The following BRIP1 variants were observed in gnomAD, a reference collection of about 807,000 sequenced individuals.
BRIP1 encodes Fanconi anemia group J protein.
BRIP1 carries 88 observed loss-of-function variants against 119.7 expected under a neutral mutation model. The observed-to-expected ratio is 0.74, with a 90% CI of 0.62 to 0.88. BRIP1 has a LOEUF of 0.88. Among genes scored for constraint, BRIP1 ranks in the 40% least tolerant of loss-of-function variants. The pLI is 0.00. For synonymous variants in BRIP1, 443 were observed against 496.5 expected (o/e 0.89, Z 1.43); for missense variants, 1,259 against 1,455.4 (o/e 0.87, Z 2.20).
rs937133242 is a variant in BRIP1, at chr17:61,846,244, AAAAGAGAGAGAGAGAGAAAG to A, written c.627+837_627+856del. 1.6e-5 allele frequency among the ~76,000 whole-genome samples: 2 copies of A among 123,976 alleles called. No individual in the cohort carries two copies. Among genetic ancestry groups the A allele is most frequent in the African/African-American group, 1.2e-4 (2 of 16,048 alleles). The allele number at this position is 123,976 out of a possible 152,430, so 81.3% of individuals were successfully genotyped here. A position where few individuals can be genotyped will look rare whatever the true frequency, so the allele number is the denominator to read the frequency against. On this transcript the variant is annotated intron_variant, in intron 6 of 19. Transcript: ENST00000259008. The surrounding 1 kb of genome is among the most constrained non-coding windows in gnomAD (Gnocchi z 4.3). ...ATACATATAGAGAGAGAGAGAGAGA[AAAAGAGAGAGAGAGAGAAAG>A]AGAGAGAGAGAGAGGTTGGAGCCAA...
In BRIP1 at chr17:61,746,980, G is replaced by C. The variant is rs2077066653; in HGVS notation, c.2098-2389C>G. Among the ~76,000 whole-genome samples, 1 of 151,948 alleles carries C rather than the reference G, an allele frequency of 6.6e-6. No individual in the cohort carries two copies. Among genetic ancestry groups the C allele is most frequent in the African/African-American group, 2.4e-5 (1 of 41,362 alleles). ...AATGTAAGATAAAAATTAATACCAGGTATCTTTTGCAACCACAACAGAATC... is the reference window on the plus strand; with the variant it reads ...AATGTAAGATAAAAATTAATACCAGCTATCTTTTGCAACCACAACAGAATC... On this transcript the variant is annotated intron_variant, in intron 14 of 19. Transcript: ENST00000259008. The surrounding 1 kb of genome is among the most constrained non-coding windows in gnomAD (Gnocchi z 4.9).
rs527955341 is a variant in BRIP1 at position 61,692,848 on chromosome 17, C to T, written c.2575+582G>A. Among the ~76,000 whole-genome samples the T allele has an allele frequency of 5.3e-5, 8 of 152,262 alleles. No individual in the cohort carries two copies. The East Asian group carries it at 7.7e-4, about 15-fold the overall frequency. On this transcript the variant is annotated intron_variant, in intron 18 of 19. Coordinates refer to ENST00000259008, the MANE Select transcript of BRIP1 (RefSeq NM_032043.3). The stretch of plus-strand genomic sequence containing the variant: ...AATTAAACTTAGAACTATGATGATT[C>T]GCCAAATCCTACGCTTGGTATTTGT...
At chr17:61,786,805 T>A (rs1026751998) in intron 10 of BRIP1, among the ~76,000 whole-genome samples, 1 of 130,728 alleles carries the variant, frequency 7.6e-6, no homozygotes, top group African/African-American at 2.8e-5. Context: ...TATTATATAT[T>A]TATATATTTT....
rs1273232212 is a variant in BRIP1, at chr17:61,805,063, C to G, written c.918+3404G>C. On this transcript the variant is annotated intron_variant, in intron 7 of 19. Coordinates refer to ENST00000259008, the MANE Select transcript of BRIP1 (RefSeq NM_032043.3). This position sits in a 1 kb window ranked among gnomAD's most constrained non-coding sequence, Gnocchi z 5.6. ...ATTAAATTGTATATATATACACACA[C>G]ATATATATGCATATATATAATCTTT... Among the ~76,000 whole-genome samples, 1 of 151,002 alleles carries G rather than the reference C, an allele frequency of 6.6e-6. No individual in the cohort carries two copies. The highest frequency in any genetic ancestry group is 1.5e-5 in the Non-Finnish European group (1 of 67,818).
intron 10 of BRIP1, among the ~76,000 whole-genome samples, chr17:61,791,515 T>G (rs1490616546): frequency 1.8e-5 from 1 of 56,754 alleles, no homozygotes; most frequent in African/African-American, 7.5e-5. Context: ...AAAAAAGAAT[T>G]TGAGTTTTCC....
At chr17:61,863,095 CG>C (rs763782601) in intron 1 of BRIP1, among the ~76,000 whole-genome samples, 188 bp downstream of exon 1, 13 of 152,162 alleles carry the variant, frequency 8.5e-5, no homozygotes, top group Non-Finnish European at 1.5e-4. Flanking sequence ...ACGCAGCGCC[CG>C]GGCTAAGAAC....
At chr17:61,692,151 T>TA (rs2061457071) in intron 18 of BRIP1, among the ~76,000 whole-genome samples, 1 of 152,202 alleles carries the variant, frequency 6.6e-6, no homozygotes, top group Non-Finnish European at 1.5e-5. Flanking sequence ...AGGTCCTCAT[T>TA]AGAAGCAGAT....
rs1342595412 is a variant in BRIP1, at chr17:61,686,095, A to G, written c.2646T>C (p.Ala882=). The G allele has an allele frequency of 1.2e-6, 2 of 1,613,944 alleles. No individual in the cohort carries two copies. Among genetic ancestry groups the G allele is most frequent in the African/African-American group, 2.7e-5 (2 of 74,924 alleles). ...STFESALESL[A]EFSKKHQKVL... ...CTTTTTGATGCTTTTTGGAAAATTC[A>G]GCCAAGGATTCCAGTGCACTTTCAA... The change falls in exon 19 of 20, where the codon GCT becomes GCC. Residue 882 remains alanine, a synonymous_variant. Transcript: ENST00000259008. The surrounding 1 kb of genome is among the most constrained non-coding windows in gnomAD (Gnocchi z 5.4).
Position 61,728,475 on chromosome 17 carries a change from T to C in BRIP1, c.2380-12412A>G, listed in dbSNP as rs117504230. Among the ~76,000 whole-genome samples, 107 of 152,202 alleles carry C rather than the reference T, an allele frequency of 7.0e-4. 1 individual carries two copies. In the East Asian group the frequency reaches 0.019, roughly 27 times the overall value. The stretch of plus-strand genomic sequence containing the variant: ...CCAATATATGAACATAAAAGGTAGA[T>C]GGACAAATGTTAAATGACTAAGCAG... On this transcript the variant is annotated intron_variant, in intron 16 of 19. Transcript: ENST00000259008.
rs955788748 is a variant in BRIP1, at chr17:61,845,411, G to A, written c.627+1690C>T. Reference sequence around the variant, plus strand: ...TGGTCATTTAAATAATATTTAGTTCGCTGAGTTTAAGTTCATTGAGTTTTA... The same window carrying A: ...TGGTCATTTAAATAATATTTAGTTCACTGAGTTTAAGTTCATTGAGTTTTA... On this transcript the variant is annotated intron_variant, in intron 6 of 19. Transcript: ENST00000259008. This position sits in a 1 kb window ranked among gnomAD's most constrained non-coding sequence, Gnocchi z 4.2. Among the ~76,000 whole-genome samples the A allele has an allele frequency of 4.6e-5, 7 of 152,194 alleles. No individual in the cohort carries two copies. The highest frequency in any genetic ancestry group is 1.9e-4 in the East Asian group (1 of 5,188).
intron 17 of BRIP1, among the ~76,000 whole-genome samples, chr17:61,707,409 C>A (rs1251096893): frequency 6.6e-6 from 1 of 152,046 alleles, no homozygotes; most frequent in Non-Finnish European, 1.5e-5. Context: ...CCTGAGTGAG[C>A]CCCTTCAACC....
chr17:61,768,290 TG>T lies in BRIP1; in HGVS notation c.2097+8110del, dbSNP rs2077400133. On this transcript the variant is annotated intron_variant, in intron 14 of 19. Coordinates refer to ENST00000259008, the MANE Select transcript of BRIP1 (RefSeq NM_032043.3). The surrounding 1 kb of genome is among the most constrained non-coding windows in gnomAD (Gnocchi z 5.0). ...AGCAAGGCTCTCAATATAAATATTT[TG>T]GTATTTTAAAGAAATTCAACTAAAG... Among the ~76,000 whole-genome samples the T allele has an allele frequency of 1.3e-5, 2 of 152,228 alleles. No individual in the cohort carries two copies. The highest frequency in any genetic ancestry group is 2.9e-5 in the Non-Finnish European group (2 of 68,034).
intron 14 of BRIP1, among the ~76,000 whole-genome samples, chr17:61,750,962 C>T (rs1450022883): frequency 6.6e-6 from 1 of 152,170 alleles, no homozygotes; most frequent in Non-Finnish European, 1.5e-5. Context: ...ACCATATGAT[C>T]CAGCAATTCC....
In BRIP1 at chr17:61,849,110, G is replaced by A. The variant is rs1057520658; in HGVS notation, c.507+19C>T. The A allele has an allele frequency of 5.6e-6, 9 of 1,612,714 alleles. No homozygotes were observed. The highest frequency in any genetic ancestry group is 8.5e-7 in the Non-Finnish European group (1 of 1,179,154). ...GCTGTAACTAACTGGGTTATTTACT[G>A]CCAATAAACTCTGTTTACCTGCTGT... On this transcript the variant is annotated intron_variant, in intron 5 of 19. Coordinates refer to ENST00000259008, the MANE Select transcript of BRIP1 (RefSeq NM_032043.3).
intron 13 of BRIP1, among the ~76,000 whole-genome samples, chr17:61,777,920 T>C (rs9906313): frequency 0.78 from 119,315 of 152,108 alleles, 47,366 homozygotes; most frequent in African/African-American, 0.87. Flanking sequence ...AACTCTCCTA[T>C]CATGTCTTGG....
At chr17:61,723,407 A>G (rs934879417) in intron 16 of BRIP1, among the ~76,000 whole-genome samples, 1 of 152,228 alleles carries the variant, frequency 6.6e-6, no homozygotes, top group Non-Finnish European at 1.5e-5. Context: ...AAAAGGCCCA[A>G]GGCAAGCTCT....
At position 61,705,564 on chromosome 17, in the gene BRIP1, G is replaced by A. The variant is rs2061679715; in HGVS notation, c.2492+10387C>T. 6.6e-6 allele frequency among the ~76,000 whole-genome samples: 1 copy of A among 151,890 alleles called. No individual in the cohort carries two copies. Among genetic ancestry groups the A allele is most frequent in the Admixed American group, 6.6e-5 (1 of 15,250 alleles). The stretch of plus-strand genomic sequence containing the variant: ...TGTTACAATTCATCAATTTATACTT[G>A]TTTTTATTACTCCTTTTTTTCCTGT... On this transcript the variant is annotated intron_variant, in intron 17 of 19. Coordinates refer to ENST00000259008, the MANE Select transcript of BRIP1 (RefSeq NM_032043.3). The surrounding 1 kb of genome is among the most constrained non-coding windows in gnomAD (Gnocchi z 5.0).
chr17:61,742,509 A>C lies in BRIP1; in HGVS notation c.2379+504T>G, dbSNP rs113378018. On this transcript the variant is annotated intron_variant, in intron 16 of 19. Transcript: ENST00000259008. The surrounding 1 kb of genome is among the most constrained non-coding windows in gnomAD (Gnocchi z 4.7). ...TCGCCTTTGATTTAAAGTAGGAAGC[A>C]TGCAACACTTCCTTTCACTTGAACA... is the stretch of plus-strand genomic sequence containing the variant. Among the ~76,000 whole-genome samples the C allele has an allele frequency of 9.5e-4, 144 of 152,296 alleles. 3 individuals carry two copies. Among genetic ancestry groups the C allele is most frequent in the African/African-American group, 3.2e-3 (133 of 41,554 alleles).
At position 61,831,901 on chromosome 17, in the gene BRIP1, A is replaced by G. The variant is rs561482100; in HGVS notation, c.627+15200T>C. 6.6e-6 allele frequency among the ~76,000 whole-genome samples: 1 copy of G among 152,228 alleles called. No individual in the cohort carries two copies. The highest frequency in any genetic ancestry group is 2.4e-5 in the African/African-American group (1 of 41,464). On this transcript the variant is annotated intron_variant, in intron 6 of 19. Coordinates refer to ENST00000259008, the MANE Select transcript of BRIP1 (RefSeq NM_032043.3). The surrounding 1 kb of genome is among the most constrained non-coding windows in gnomAD (Gnocchi z 4.1). ...ACTGGATGTATTGGTATAAACACTC[A>G]TAATTTTCAGTGTACAGACAGACAG... is the stretch of plus-strand genomic sequence containing the variant.
Sources: allele counts gnomAD v4.1 joint callset (sites outside exome capture counted in the v4.1 genomes callset), GRCh38; gene constraint gnomAD v4.1.1; non-coding constraint Gnocchi (gnomAD v3.1); transcripts MANE v1.5; gene names NCBI Gene and HGNC (gene_info 2026-07-23, HGNC 2026-07-21).